Variants in CADM1 observed in about 807,000 individuals in gnomAD.
The protein encoded by CADM1 is cell adhesion molecule 1.
In CADM1, 15 loss-of-function variants were observed where a neutral mutation model predicts 53.1. The ratio of observed to expected loss-of-function variants is 0.28; its 90% CI spans 0.19 to 0.44. The LOEUF is 0.44. CADM1 is among the 20% of genes least tolerant of loss of function. The pLI is 1.00. For missense variants in CADM1, 434 were observed against 611.3 expected (o/e 0.71, Z 3.06); for synonymous variants, 281 against 243.0 (o/e 1.16, Z -1.45).
chr11:115,204,003 G>T (rs746185991), intron 8 of CADM1, among the ~76,000 whole-genome samples: 1 of 152,136 alleles, frequency 6.6e-6, no homozygotes, highest in Non-Finnish European at 1.5e-5. Context: ...TTGTCACTAG[G>T]TATACTGGCA....
intron 1 of CADM1, among the ~76,000 whole-genome samples, chr11:115,277,758 TACC>T (rs1280216716): frequency 6.6e-6 from 1 of 152,138 alleles, no homozygotes; most frequent in Non-Finnish European, 1.5e-5. Flanking sequence ...ATGCTGAAAC[TACC>T]AAAAAGAATA....
intron 1 of CADM1, among the ~76,000 whole-genome samples, chr11:115,501,487 T>C (rs1023265753): frequency 6.6e-6 from 1 of 152,156 alleles, no homozygotes; most frequent in Non-Finnish European, 1.5e-5. Context: ...CTCGGGATCG[T>C]AAACAACATC....
chr11:115,184,902 C>T (rs1039849195), intron 10 of CADM1, among the ~76,000 whole-genome samples: 8 of 152,206 alleles, frequency 5.3e-5, no homozygotes, highest in Non-Finnish European at 1.0e-4. Context: ...GGCTACATTG[C>T]TTTCCAGAAA....
chr11:115,293,615 T>C (rs1196798974), intron 1 of CADM1, among the ~76,000 whole-genome samples: 2 of 152,176 alleles, frequency 1.3e-5, no homozygotes, highest in African/African-American at 4.8e-5. Context: ...GAAGCAAACA[T>C]ACAAAATGTT....
chr11:115,406,578 C>A (rs1316353569), intron 1 of CADM1, among the ~76,000 whole-genome samples: 1 of 146,908 alleles, frequency 6.8e-6, no homozygotes, highest in South Asian at 2.1e-4. Flanking sequence ...ATATTATATA[C>A]CTTATTATAA....
At chr11:115,352,681 C>T (rs892075686) in intron 1 of CADM1, among the ~76,000 whole-genome samples, 15 of 152,144 alleles carry the variant, frequency 9.9e-5, no homozygotes, top group African/African-American at 3.4e-4. Flanking sequence ...AGAAAAAACA[C>T]AGCATTGTAC....
chr11:115,267,786 G>C (rs12283511), intron 1 of CADM1, among the ~76,000 whole-genome samples: 1,793 of 149,270 alleles, frequency 0.012, 43 homozygotes, highest in African/African-American at 0.04. Flanking sequence ...CGAATATAAG[G>C]CAACATGGCT....
chr11:115,489,834 T>C (rs1407467657), intron 1 of CADM1, among the ~76,000 whole-genome samples: 2 of 152,158 alleles, frequency 1.3e-5, no homozygotes, highest in Non-Finnish European at 2.9e-5. Flanking sequence ...AATGCAGTGC[T>C]TGAGGTGAAT....
Position 115,365,484 on chromosome 11 carries a change from T to A in CADM1, c.125-125064A>T, listed in dbSNP as rs557949611. On this transcript the variant is annotated intron_variant, in intron 1 of 11. Transcript: ENST00000331581. Reference sequence around the variant, plus strand: ...TCATAAAGATTAGCATTGTGGGTATTGTTTATACAAGAAAGATGTCAGGGA... The same window carrying A: ...TCATAAAGATTAGCATTGTGGGTATAGTTTATACAAGAAAGATGTCAGGGA... Among the ~76,000 whole-genome samples the A allele has an allele frequency of 1.7e-4, 26 of 152,250 alleles. 1 individual carries two copies. Among genetic ancestry groups the A allele is most frequent in the African/African-American group, 5.8e-4 (24 of 41,560 alleles).
At chr11:115,205,632 G>A (rs1940638248) in intron 8 of CADM1, among the ~76,000 whole-genome samples, 1 of 152,042 alleles carries the variant, frequency 6.6e-6, no homozygotes, top group African/African-American at 2.4e-5. Flanking sequence ...CCACATGACA[G>A]CATATGTCTT....
chr11:115,390,575 T>C (rs910621440), intron 1 of CADM1, among the ~76,000 whole-genome samples: 2 of 151,594 alleles, frequency 1.3e-5, no homozygotes, highest in South Asian at 2.1e-4. Flanking sequence ...TGTAAGTGTT[T>C]AGTTAACTGA....
At position 115,385,119 on chromosome 11, in the gene CADM1, T is replaced by C. The variant is rs1033441244; in HGVS notation, c.124+119152A>G. On this transcript the variant is annotated intron_variant, in intron 1 of 11. Coordinates refer to ENST00000331581, the MANE Select transcript of CADM1 (RefSeq NM_001301043.2). ...CCTTACAGAAAACATACATTCATAC[T>C]CATTTTAGTTTTTACCACCTAGCCA... Among the ~76,000 whole-genome samples the C allele has an allele frequency of 1.3e-4, 20 of 151,670 alleles. 3 individuals are homozygous for C. Among genetic ancestry groups the C allele is most frequent in the Admixed American group, 1.2e-3 (19 of 15,206 alleles).
At chr11:115,382,537 C>T (rs1306560757) in intron 1 of CADM1, among the ~76,000 whole-genome samples, 1 of 152,098 alleles carries the variant, frequency 6.6e-6, no homozygotes, top group East Asian at 1.9e-4. Context: ...CATATAAAAG[C>T]TCTTTAAAAA....
At chr11:115,440,868 TCCTTGGCTCAAGCAATCCTCCCG>T (rs1377835534) in intron 1 of CADM1, among the ~76,000 whole-genome samples, 41 of 152,070 alleles carry the variant, frequency 2.7e-4, no homozygotes, top group Non-Finnish European at 2.6e-4. Context: ...AGCCTCAACC[TCCTTGGCTCAAGCAATCCTCCCG>T]CCTTGGCCTC....
intron 1 of CADM1, chr11:115,333,697 C>T (rs530539691): frequency 6.6e-6 from 1 of 152,222 alleles, no homozygotes; most frequent in Non-Finnish European, 1.5e-5. Flanking sequence ...TACAAACAAG[C>T]AAGCAGCTCT....
At chr11:115,200,684 G>A (rs963934766) in intron 8 of CADM1, among the ~76,000 whole-genome samples, 1 of 152,176 alleles carries the variant, frequency 6.6e-6, no homozygotes, top group Non-Finnish European at 1.5e-5. Context: ...TAGTGGAGAC[G>A]GGGCTTCCCC....
At chr11:115,296,320 A>C (rs1182217818) in intron 1 of CADM1, among the ~76,000 whole-genome samples, 2 of 152,086 alleles carry the variant, frequency 1.3e-5, no homozygotes. Flanking sequence ...CTATGCCTTA[A>C]GTTTGCCCGC....
rs531829186 is a variant in CADM1, at chr11:115,490,202, C to T, written c.124+14069G>A. Among the ~76,000 whole-genome samples, 26 of 152,216 alleles carry T rather than the reference C, an allele frequency of 1.7e-4. No individual in the cohort carries two copies. In the South Asian group the frequency reaches 5.4e-3, roughly 32 times the overall value. On this transcript the variant is annotated intron_variant, in intron 1 of 11. Coordinates refer to ENST00000331581, the MANE Select transcript of CADM1 (RefSeq NM_001301043.2). ...ATGAAACAATTAAGGGGCTGTTATA[C>T]CATTGTAAGTCTACTTTCCTCGTCT...
At chr11:115,457,451 C>G (rs1181825878) in intron 1 of CADM1, among the ~76,000 whole-genome samples, 5 of 152,082 alleles carry the variant, frequency 3.3e-5, no homozygotes, top group Non-Finnish European at 7.4e-5. Flanking sequence ...GCTGGATTTG[C>G]AGATATATCA....
Sources: allele counts gnomAD v4.1 joint callset (sites outside exome capture counted in the v4.1 genomes callset), GRCh38; gene constraint gnomAD v4.1.1; transcripts MANE v1.5; gene names NCBI Gene and HGNC (gene_info 2026-07-23, HGNC 2026-07-21).